The following MMEL1 variants were observed in gnomAD, a reference collection of about 807,000 sequenced individuals.
MMEL1 encodes membrane metallo-endopeptidase-like 1.
In MMEL1, 98 loss-of-function variants were observed where a neutral mutation model predicts 117.1. The observed-to-expected ratio is 0.84, with a 90% CI of 0.71 to 0.99. The LOEUF (loss-of-function observed/expected upper bound fraction) is 0.99. MMEL1 is among the 50% of genes least tolerant of loss of function. MMEL1 has a pLI of 0.00. For synonymous variants in MMEL1, 390 were observed against 415.1 expected (o/e 0.94, Z 0.74); for missense variants, 1,014 against 1,049.1 (o/e 0.97, Z 0.46).
In MMEL1 at chr1:2,609,722, T is replaced by G. The variant is rs1463772745; in HGVS notation, c.402A>C (p.Ser134=). The G allele has an allele frequency of 4.3e-6, 7 of 1,613,668 alleles. No individual in the cohort carries two copies. Among genetic ancestry groups the G allele is most frequent in the Non-Finnish European group, 5.1e-6 (6 of 1,179,928 alleles). The change falls in exon 5 of 24, where the codon TCA becomes TCC. Residue 134 remains serine (S), a synonymous_variant. Transcript: ENST00000378412. ...LRRHVIPETN[S]RYSIFDVLRD... ...GGAGGACGTCAAAGATGCTGTATCT[T>G]GAGTTGGTCTCAGGGATCACGTGGC...
intron 6 of MMEL1, 77 bp downstream of exon 6, chr1:2,609,262 G>C (rs1215613038): frequency 7.0e-7 from 1 of 1,433,488 alleles, no homozygotes; most frequent in African/African-American, 1.4e-5. Context: ...ATGGGGTCCT[G>C]GGGCTGCGCT....
intron 13 of MMEL1, among the ~76,000 whole-genome samples, chr1:2,597,473 T>C (rs557045109): frequency 3.2e-4 from 49 of 152,126 alleles, no homozygotes; most frequent in African/African-American, 9.9e-4. Flanking sequence ...TTAGCCCCTA[T>C]ACCCAATCCC....
rs2100928024 is a variant in MMEL1 at position 2,593,998 on chromosome 1, G to A, written c.1748-65C>T. 3 of 1,512,318 alleles carry A rather than the reference G, an allele frequency of 2.0e-6. No homozygotes were observed. The African/African-American group carries it at 4.2e-5, about 21-fold the overall frequency. The allele number at this position is 1,512,318 out of a possible 1,614,324, so 93.7% of individuals were successfully genotyped here. On this transcript the variant is annotated intron_variant, in intron 18 of 23. Transcript: ENST00000378412. Reference sequence around the variant, plus strand: ...ACACATCTCCTGTGTGCCAGGCTCAGGGATGGCGCTGCCAGGGGTTCTGAC... The same window carrying A: ...ACACATCTCCTGTGTGCCAGGCTCAAGGATGGCGCTGCCAGGGGTTCTGAC...
chr1:2,606,336 G>A lies in MMEL1; in HGVS notation c.662C>T (p.Ala221Val), dbSNP rs765113379. Residue 221 changes from alanine (A) to valine (V), a missense_variant, in exon 8 of 24, where the codon GCG becomes GTG. Coordinates refer to ENST00000378412, the MANE Select transcript of MMEL1 (RefSeq NM_033467.4). The part of the protein sequence containing the change: ...GLEWELERQL[A>V]LMNSQFNRRV... Reference sequence around the variant, plus strand: ...CCTGTTGAACTGTGAGTTCATCAGCGCCAGCTGCCGCTCCAGCTCCCACTC... The same window carrying A: ...CCTGTTGAACTGTGAGTTCATCAGCACCAGCTGCCGCTCCAGCTCCCACTC... 2.5e-6 allele frequency: 4 copies of A among 1,610,732 alleles called. No homozygotes were observed. The highest frequency in any genetic ancestry group is 1.3e-5 in the African/African-American group (1 of 74,934).
At position 2,594,581 on chromosome 1, in the gene MMEL1, C is replaced by A. The variant is rs1382660932; in HGVS notation, c.1689-138G>T. ...GGCCTATCCCAAGATCTGGTTCCTT[C>A]CTGGGGTCCCTGAGGAGGAGGCGAC... On this transcript the variant is annotated intron_variant, in intron 17 of 23. Transcript: ENST00000378412. The A allele has an allele frequency of 2.9e-5, 33 of 1,149,656 alleles. No homozygotes were observed. In the East Asian group the frequency reaches 8.5e-4, roughly 29 times the overall value. 71.2% of individuals were successfully genotyped at this position (1,149,656 alleles called of 1,614,324 possible).
At chr1:2,618,912 C>T (rs1204709575) in intron 2 of MMEL1, among the ~76,000 whole-genome samples, 1 of 152,170 alleles carries the variant, frequency 6.6e-6, no homozygotes, top group East Asian at 1.9e-4. Flanking sequence ...CACCACTGGC[C>T]CTGGATCTGA....
chr1:2,622,606 C>T (rs76949917), intron 2 of MMEL1, among the ~76,000 whole-genome samples: 2,812 of 152,164 alleles, frequency 0.018, 47 homozygotes, highest in Non-Finnish European at 0.026. Context: ...AATTCTTGGC[C>T]GGGCGCGGTG....
intron 2 of MMEL1, among the ~76,000 whole-genome samples, chr1:2,617,153 C>T (rs951020593): frequency 1.3e-4 from 20 of 152,088 alleles, no homozygotes; most frequent in Admixed American, 2.0e-4. Flanking sequence ...CGTGGCCAGG[C>T]GCGGTGGCTC....
intron 22 of MMEL1, 93 bp from the exon 23 acceptor site, chr1:2,591,726 C>T (rs1644716310): frequency 3.4e-6 from 4 of 1,188,492 alleles, no homozygotes; most frequent in South Asian, 1.2e-5. Flanking sequence ...GCTGCCCCTT[C>T]TAGGGTGGGG....
rs115035541 is a variant in MMEL1 at position 2,627,255 on chromosome 1, C to T, written c.154+2076G>A. On this transcript the variant is annotated intron_variant, in intron 2 of 23. Transcript: ENST00000378412. ...TAAATTTGCGTTCACATAGTAATAT[C>T]GCCTTAAATAGGTAAATTAGGTAAG... Among the ~76,000 whole-genome samples, 695 of 152,282 alleles carry T rather than the reference C, an allele frequency of 4.6e-3. 2 individuals are homozygous for T. The highest frequency in any genetic ancestry group is 0.015 in the African/African-American group (641 of 41,546).
intron 8 of MMEL1, 39 bp from the exon 9 acceptor site, chr1:2,605,662 G>C (rs759148360): frequency 6.4e-5 from 99 of 1,550,728 alleles, no homozygotes; most frequent in Non-Finnish European, 8.5e-5. Flanking sequence ...CAAGGGGCCC[G>C]GGGTCCCCGC....
chr1:2,632,521 T>C (rs1414528013), intron 1 of MMEL1: 2 of 153,772 alleles, frequency 1.3e-5, no homozygotes, highest in Middle Eastern at 1.6e-3. Context: ...GACGGCTCCA[T>C]GTGCCCCACG....
At chr1:2,631,386 C>T (rs572130079) in intron 1 of MMEL1, among the ~76,000 whole-genome samples, 1 of 152,034 alleles carries the variant, frequency 6.6e-6, no homozygotes, top group Admixed American at 6.5e-5. Context: ...CTTCCGCCCC[C>T]CTGTACCCCA....
chr1:2,595,376 G>A lies in MMEL1; in HGVS notation c.1501-17C>T. ...GCTCATGGCCTGAGTGGGGAGGAGG[G>A]ACTGGTCAGTGGGTGCCCCACTGCG... On this transcript the variant is annotated splice_polypyrimidine_tract_variant and intron_variant, in intron 15 of 23. Coordinates refer to ENST00000378412, the MANE Select transcript of MMEL1 (RefSeq NM_033467.4). The surrounding 1 kb of genome is among the most constrained non-coding windows in gnomAD (Gnocchi z 4.8). 6.2e-7 allele frequency: 1 copy of A among 1,612,358 alleles called. No individual in the cohort carries two copies. The highest frequency in any genetic ancestry group is 8.5e-7 in the Non-Finnish European group (1 of 1,178,890).
chr1:2,630,947 G>A (rs555223474), intron 1 of MMEL1, among the ~76,000 whole-genome samples: 1 of 151,308 alleles, frequency 6.6e-6, no homozygotes, highest in Non-Finnish European at 1.5e-5. Context: ...GGATATGCAC[G>A]TGTGTGCGTG....
At chr1:2,593,740 G>A (rs989629239) in intron 19 of MMEL1, 74 bp downstream of exon 19, 32 of 1,470,456 alleles carry the variant, frequency 2.2e-5, no homozygotes, top group South Asian at 1.0e-4. Flanking sequence ...TGAATGGAGC[G>A]CCCCCAGGCC....
chr1:2,591,859 G>T, intron 22 of MMEL1, 73 bp downstream of exon 22: 3 of 1,443,558 alleles, frequency 2.1e-6, no homozygotes, highest in Non-Finnish European at 2.9e-6. Flanking sequence ...GTCCCTGGAG[G>T]TGCCCCAGAG....
At chr1:2,630,707 G>T (rs1014822189) in intron 1 of MMEL1, among the ~76,000 whole-genome samples, 2 of 151,578 alleles carry the variant, frequency 1.3e-5, no homozygotes, top group South Asian at 2.1e-4. Flanking sequence ...GTGTGTGCAC[G>T]TGTGTGACTG....
intron 20 of MMEL1, 21 bp downstream of exon 20, chr1:2,592,812 G>A: frequency 5.6e-6 from 9 of 1,613,044 alleles, no homozygotes; most frequent in African/African-American, 1.3e-5. Flanking sequence ...CCGCAGCCTG[G>A]GTGCTGGTGG....
Sources: allele counts gnomAD v4.1 joint callset (sites outside exome capture counted in the v4.1 genomes callset), GRCh38; gene constraint gnomAD v4.1.1; non-coding constraint Gnocchi (gnomAD v3.1); transcripts MANE v1.5; gene names NCBI Gene and HGNC (gene_info 2026-07-23, HGNC 2026-07-21).